The following DDAH1 variants were observed in gnomAD, a reference collection of about 807,000 sequenced individuals.
The protein encoded by DDAH1 is N(G),N(G)-dimethylarginine dimethylaminohydrolase 1.
A neutral mutation model predicts 28.8 loss-of-function variants in DDAH1; 19 were observed. That is an observed-to-expected ratio of 0.66 (90% CI 0.46 to 0.97). The LOEUF is 0.97. Among genes scored for constraint, DDAH1 ranks in the 50% least tolerant of loss-of-function variants. DDAH1 has a pLI of 0.00. For missense variants in DDAH1, 326 were observed against 375.9 expected (o/e 0.87, Z 1.10); for synonymous variants, 153 against 154.4 (o/e 0.99, Z 0.07).
chr1:85,381,098 C>T (rs988844248), intron 1 of DDAH1, among the ~76,000 whole-genome samples: 3 of 151,652 alleles, frequency 2.0e-5, no homozygotes, highest in South Asian at 2.1e-4. Context: ...ATTAGCCGGG[C>T]GTGGTGGTGG....
chr1:85,479,962 T>C (rs1044298333), intron 2 of DDAH1, among the ~76,000 whole-genome samples: 1 of 152,250 alleles, frequency 6.6e-6, no homozygotes, highest in Non-Finnish European at 1.5e-5. Flanking sequence ...CACGTTTTTC[T>C]GAAGCAGACG....
At chr1:85,427,607 T>G (rs530728315) in intron 1 of DDAH1, among the ~76,000 whole-genome samples, 1 of 152,244 alleles carries the variant, frequency 6.6e-6, no homozygotes. Flanking sequence ...AGTCATCATC[T>G]TCTTACATGA....
At chr1:85,536,337 G>A (rs1319373407) in intron 1 of DDAH1, among the ~76,000 whole-genome samples, 3 of 151,992 alleles carry the variant, frequency 2.0e-5, no homozygotes, top group South Asian at 2.1e-4. Flanking sequence ...GGTGGATCAC[G>A]AGGTCAGGAG....
intron 1 of DDAH1, among the ~76,000 whole-genome samples, chr1:85,422,465 A>C (rs1653190651): frequency 6.6e-6 from 1 of 152,198 alleles, no homozygotes; most frequent in Non-Finnish European, 1.5e-5. Context: ...TGTATATAAA[A>C]ATTTATTGCC....
At chr1:85,337,869 C>T (rs1327749164) in intron 4 of DDAH1, among the ~76,000 whole-genome samples, 1 of 152,222 alleles carries the variant, frequency 6.6e-6, no homozygotes, top group Admixed American at 6.5e-5. Flanking sequence ...TCACTCAGAG[C>T]CTGCCTTCAA....
At chr1:85,497,445 A>G (rs994722478) in intron 1 of DDAH1, among the ~76,000 whole-genome samples, 1 of 152,236 alleles carries the variant, frequency 6.6e-6, no homozygotes, top group African/African-American at 2.4e-5. Flanking sequence ...ATTCTCTGCC[A>G]AGAAAGAGTA....
chr1:85,319,039 C>T lies in DDAH1; in HGVS notation c.*2413G>A, dbSNP rs1013010130. ...TCTTTTAATGTCAAAAAGCAGTTTC[C>T]GTTAGTTTATCCATTGGTGTATATC... On this transcript the variant is annotated 3_prime_UTR_variant, in exon 6 of 6. Coordinates refer to ENST00000284031, the MANE Select transcript of DDAH1 (RefSeq NM_012137.4). 1.3e-5 allele frequency: 2 copies of T among 152,134 alleles called. No individual in the cohort carries two copies. Among genetic ancestry groups the T allele is most frequent in the African/African-American group, 2.4e-5 (1 of 41,426 alleles). 9.4% of individuals were successfully genotyped at this position (152,134 alleles called of 1,614,324 possible).
chr1:85,416,580 C>T (rs1244328980), intron 1 of DDAH1, among the ~76,000 whole-genome samples: 1 of 152,186 alleles, frequency 6.6e-6, no homozygotes, highest in Non-Finnish European at 1.5e-5. Flanking sequence ...ATTTTAAAAA[C>T]AGTTGTCTCT....
chr1:85,420,163 T>C (rs960431724), intron 1 of DDAH1, among the ~76,000 whole-genome samples: 11 of 152,018 alleles, frequency 7.2e-5, no homozygotes, highest in Non-Finnish European at 1.3e-4. Flanking sequence ...CCAGGAAACC[T>C]AGGAGGGAAG....
intron 1 of DDAH1, among the ~76,000 whole-genome samples, chr1:85,409,959 C>G (rs777158841): frequency 5.3e-5 from 8 of 152,158 alleles, no homozygotes; most frequent in Non-Finnish European, 1.0e-4. Context: ...TAACAATTCT[C>G]CTTATGTATA....
intron 1 of DDAH1, among the ~76,000 whole-genome samples, chr1:85,367,683 G>GA (rs1160022988): frequency 6.6e-6 from 1 of 152,166 alleles, no homozygotes; most frequent in Admixed American, 6.5e-5. Context: ...ATTGGCCACT[G>GA]AGGGGGTGTC....
chr1:85,513,843 T>C (rs1570628071), intron 1 of DDAH1, among the ~76,000 whole-genome samples: 3 of 152,112 alleles, frequency 2.0e-5, no homozygotes, highest in Non-Finnish European at 2.9e-5. Flanking sequence ...CATTAAAAAG[T>C]CAGGAAACAA....
At chr1:85,490,187 A>C (rs1474636953) in intron 2 of DDAH1, among the ~76,000 whole-genome samples, 1 of 152,212 alleles carries the variant, frequency 6.6e-6, no homozygotes, top group Non-Finnish European at 1.5e-5. Context: ...GAGACAGAAA[A>C]GAAGAAAAAG....
At chr1:85,511,077 C>A (rs1657209044) in intron 1 of DDAH1, among the ~76,000 whole-genome samples, 1 of 152,172 alleles carries the variant, frequency 6.6e-6, no homozygotes. Flanking sequence ...GCATTTACTC[C>A]AAAATTGAGC....
intron 1 of DDAH1, among the ~76,000 whole-genome samples, chr1:85,437,426 G>A (rs916735609): frequency 2.0e-5 from 3 of 152,112 alleles, no homozygotes; most frequent in Middle Eastern, 6.8e-3. Flanking sequence ...CAGCAAGATC[G>A]ACCCCTCCTC....
intron 1 of DDAH1, among the ~76,000 whole-genome samples, chr1:85,457,795 G>T: frequency 6.6e-6 from 1 of 152,138 alleles, no homozygotes; most frequent in East Asian, 1.9e-4. Flanking sequence ...TTTCGAGTGA[G>T]TGTCCTGCCT....
intron 1 of DDAH1, among the ~76,000 whole-genome samples, chr1:85,429,578 G>A (rs1653573697): frequency 6.6e-6 from 1 of 152,158 alleles, no homozygotes; most frequent in Admixed American, 6.5e-5. Flanking sequence ...CTAGATCCTT[G>A]AGGAATTGCC....
At chr1:85,409,639 T>C (rs1407194053) in intron 1 of DDAH1, among the ~76,000 whole-genome samples, 3 of 152,152 alleles carry the variant, frequency 2.0e-5, no homozygotes, top group Non-Finnish European at 4.4e-5. Flanking sequence ...ATTGCCTCTT[T>C]GGTAAAGGGC....
At chr1:85,396,588 G>A (rs1260427993) in intron 1 of DDAH1, among the ~76,000 whole-genome samples, 1 of 152,060 alleles carries the variant, frequency 6.6e-6, no homozygotes, top group Non-Finnish European at 1.5e-5. Flanking sequence ...AGATTTGGGG[G>A]ACAAACATCC....
Sources: gnomAD v4.1 joint callset for allele counts (sites outside exome capture counted in the v4.1 genomes callset) on GRCh38, gnomAD v4.1.1 for gene constraint, MANE v1.5 for transcripts, NCBI Gene and HGNC (gene_info 2026-07-23, HGNC 2026-07-21) for gene names.